KCNIP4: variants seen among roughly 807,000 people sequenced by gnomAD.
KCNIP4 encodes potassium voltage-gated channel interacting protein 4, also known as Kv channel-interacting protein 4.
In KCNIP4, 12 loss-of-function variants were observed where a neutral mutation model predicts 34.0. The ratio of observed to expected loss-of-function variants is 0.35; its 90% CI spans 0.23 to 0.57. The LOEUF (loss-of-function observed/expected upper bound fraction) is 0.57. KCNIP4 is among the 20% of genes least tolerant of loss of function. The pLI is 0.83. For synonymous variants in KCNIP4, 124 were observed against 102.2 expected (o/e 1.21, Z -1.29); for missense variants, 238 against 311.7 (o/e 0.76, Z 1.78).
chr4:21,749,840 C>G (rs890835708), intron 1 of KCNIP4, among the ~76,000 whole-genome samples: 7 of 152,144 alleles, frequency 4.6e-5, no homozygotes, highest in Admixed American at 1.3e-4. Flanking sequence ...TTGCTCTTCT[C>G]TTTGCTTCTT....
At chr4:21,515,827 C>T (rs1000823569) in intron 1 of KCNIP4, among the ~76,000 whole-genome samples, 5 of 152,142 alleles carry the variant, frequency 3.3e-5, no homozygotes, top group African/African-American at 7.2e-5. Flanking sequence ...GATGACACTA[C>T]AAGAAGGCCC....
intron 1 of KCNIP4, among the ~76,000 whole-genome samples, chr4:21,618,393 G>T (rs1037337670): frequency 6.6e-5 from 10 of 151,864 alleles, no homozygotes; most frequent in Non-Finnish European, 1.0e-4. Context: ...ATATGAAGGT[G>T]GTAGCCAAAA....
chr4:20,824,296 A>G (rs1271573486), intron 3 of KCNIP4, among the ~76,000 whole-genome samples: 1 of 152,232 alleles, frequency 6.6e-6, no homozygotes, highest in Non-Finnish European at 1.5e-5. Flanking sequence ...TGTATTCTAA[A>G]GTAAATTTAA....
chr4:21,605,533 T>A (rs752404021), intron 1 of KCNIP4, among the ~76,000 whole-genome samples: 1 of 152,104 alleles, frequency 6.6e-6, no homozygotes, highest in Admixed American at 6.6e-5. Context: ...CAGGCTGGAG[T>A]GCAGTGGCGT....
chr4:21,920,004 GAC>G (rs1728850093), intron 1 of KCNIP4, among the ~76,000 whole-genome samples: 1 of 152,142 alleles, frequency 6.6e-6, no homozygotes, highest in African/African-American at 2.4e-5. Context: ...ATGGAAGAAA[GAC>G]ACATATTTGA....
intron 1 of KCNIP4, among the ~76,000 whole-genome samples, chr4:21,240,078 C>T (rs1345068174): frequency 4.6e-5 from 7 of 151,762 alleles, no homozygotes; most frequent in Admixed American, 1.3e-4. Context: ...TTTGTAGGGA[C>T]ATGGATGAAG....
At chr4:21,610,980 C>A (rs1329673461) in intron 1 of KCNIP4, among the ~76,000 whole-genome samples, 4 of 152,106 alleles carry the variant, frequency 2.6e-5, no homozygotes, top group African/African-American at 4.8e-5. Context: ...ACCCCCACCC[C>A]CTGACAGGCC....
intron 1 of KCNIP4, among the ~76,000 whole-genome samples, chr4:20,939,152 C>T (rs1444590517): frequency 6.6e-6 from 1 of 152,036 alleles, no homozygotes; most frequent in Non-Finnish European, 1.5e-5. Flanking sequence ...ACCATTCCTT[C>T]CTACCCTTCC....
At chr4:20,811,858 G>A (rs1031199060) in intron 3 of KCNIP4, among the ~76,000 whole-genome samples, 1 of 152,192 alleles carries the variant, frequency 6.6e-6, no homozygotes. Flanking sequence ...AATGAATGAG[G>A]CAGAGATGGA....
intron 1 of KCNIP4, among the ~76,000 whole-genome samples, chr4:21,457,612 T>G (rs1729069444): frequency 6.6e-6 from 1 of 152,004 alleles, no homozygotes. Context: ...AGTTCATTCA[T>G]GCAAATAAAA....
At chr4:21,593,541 C>T (rs891661827) in intron 1 of KCNIP4, among the ~76,000 whole-genome samples, 1 of 152,080 alleles carries the variant, frequency 6.6e-6, no homozygotes, top group African/African-American at 2.4e-5. Context: ...TCACCTCGTC[C>T]TCATAAAATG....
intron 5 of KCNIP4, among the ~76,000 whole-genome samples, chr4:20,739,862 T>C (rs771350867): frequency 1.3e-4 from 20 of 152,132 alleles, no homozygotes; most frequent in Non-Finnish European, 2.5e-4. Flanking sequence ...ATTAGACGAA[T>C]GGCTGACTAG....
chr4:21,016,843 G>C, intron 1 of KCNIP4, among the ~76,000 whole-genome samples: 1 of 152,114 alleles, frequency 6.6e-6, no homozygotes. Flanking sequence ...TTTTACAAAT[G>C]TAAAATATTA....
chr4:21,399,027 A>G (rs1263419819), intron 1 of KCNIP4, among the ~76,000 whole-genome samples: 2 of 152,242 alleles, frequency 1.3e-5, no homozygotes, highest in Non-Finnish European at 2.9e-5. Flanking sequence ...TTAGGAACAC[A>G]TAGTGTGGCA....
At chr4:20,991,642 C>A (rs1737091817) in intron 1 of KCNIP4, among the ~76,000 whole-genome samples, 1 of 152,156 alleles carries the variant, frequency 6.6e-6, no homozygotes, top group Admixed American at 6.5e-5. Flanking sequence ...ATTAATCCTA[C>A]CTCCGTGGTC....
chr4:21,519,757 A>ATGTGTGTATACACACGTGTG (rs1560481181), intron 1 of KCNIP4, among the ~76,000 whole-genome samples: 7 of 123,986 alleles, frequency 5.6e-5, no homozygotes, highest in African/African-American at 2.6e-4. Context: ...ACGTGTGTGT[A>ATGTGTGTATACACACGTGTG]TGTATGTGTG....
chr4:21,546,665 T>A (rs1278922315), intron 1 of KCNIP4, among the ~76,000 whole-genome samples: 1 of 152,194 alleles, frequency 6.6e-6, no homozygotes, highest in Non-Finnish European at 1.5e-5. Flanking sequence ...GCCATTCTTA[T>A]GTCTTCCTTC....
At chr4:21,551,401 C>T (rs1027359988) in intron 1 of KCNIP4, among the ~76,000 whole-genome samples, 1 of 152,064 alleles carries the variant, frequency 6.6e-6, no homozygotes, top group Non-Finnish European at 1.5e-5. Context: ...AAATCTATAG[C>T]CAGTCTCATA....
intron 1 of KCNIP4, among the ~76,000 whole-genome samples, chr4:21,412,763 C>A (rs1724616652): frequency 6.6e-6 from 1 of 152,174 alleles, no homozygotes; most frequent in South Asian, 2.1e-4. Flanking sequence ...CACAATGGTG[C>A]ATGTCTTTTA....
Sources: gnomAD v4.1 joint callset for allele counts (sites outside exome capture counted in the v4.1 genomes callset) on GRCh38, gnomAD v4.1.1 for gene constraint, MANE v1.5 for transcripts, NCBI Gene and HGNC (gene_info 2026-07-23, HGNC 2026-07-21) for gene names.